Variants in TENM2 observed in about 807,000 individuals in gnomAD.
TENM2 encodes teneurin transmembrane protein 2.
TENM2 carries 52 observed loss-of-function variants against 245.2 expected under a neutral mutation model. The observed-to-expected ratio is 0.21, with a 90% CI of 0.17 to 0.27. The LOEUF (loss-of-function observed/expected upper bound fraction) is 0.27. TENM2 is among the 10% of genes least tolerant of loss of function. The pLI, the probability that TENM2 is intolerant of heterozygous loss-of-function variation, is 1.00. For missense variants in TENM2, 3,046 were observed against 3,666.8 expected (o/e 0.83, Z 4.37); for synonymous variants, 1,363 against 1,438.9 (o/e 0.95, Z 1.19).
intron 3 of TENM2, among the ~76,000 whole-genome samples, chr5:167,881,816 AG>A (rs1408510964): frequency 6.6e-6 from 1 of 152,182 alleles, no homozygotes; most frequent in African/African-American, 2.4e-5. Context: ...CCAAATGCAG[AG>A]CCACACAGGA....
At chr5:167,052,417 T>C in the TENM2 span, among the ~76,000 whole-genome samples, 1 of 152,176 alleles carries the variant, frequency 6.6e-6, no homozygotes, top group Non-Finnish European at 1.5e-5. Context: ...GTGTTATGGG[T>C]ACTCAATTAT....
intron 1 of TENM2, among the ~76,000 whole-genome samples, chr5:167,338,084 T>C (rs1757882719): frequency 6.6e-6 from 1 of 152,222 alleles, no homozygotes; most frequent in Non-Finnish European, 1.5e-5. Flanking sequence ...AATTAAAATG[T>C]CTATATTGTT....
chr5:167,808,657 C>A (rs1391011041), intron 2 of TENM2, among the ~76,000 whole-genome samples: 1 of 152,102 alleles, frequency 6.6e-6, no homozygotes, highest in Non-Finnish European at 1.5e-5. Flanking sequence ...AGATAGAAAC[C>A]CCTTGTCTTT....
chr5:167,518,835 G>T (rs887724308), intron 2 of TENM2, among the ~76,000 whole-genome samples: 9 of 152,168 alleles, frequency 5.9e-5, no homozygotes, highest in Admixed American at 4.6e-4. Flanking sequence ...GCTGGGGCCA[G>T]TGGCAGGATC....
intron 2 of TENM2, among the ~76,000 whole-genome samples, chr5:167,674,656 G>A (rs1429175373): frequency 6.6e-6 from 1 of 152,062 alleles, no homozygotes; most frequent in Non-Finnish European, 1.5e-5. Context: ...TCAAGTGGGG[G>A]CATTAATAGC....
At chr5:167,798,776 T>C (rs1191769782) in intron 2 of TENM2, among the ~76,000 whole-genome samples, 1 of 152,204 alleles carries the variant, frequency 6.6e-6, no homozygotes, top group Non-Finnish European at 1.5e-5. Context: ...GTGTTTATGC[T>C]AGATCTTAAT....
At position 167,776,621 on chromosome 5, in the gene TENM2, A is replaced by C. The variant is rs1763813361; in HGVS notation, c.503-99365A>C. 2.9e-5 allele frequency among the ~76,000 whole-genome samples: 2 copies of C among 69,936 alleles called. 1 individual carries two copies. Among genetic ancestry groups the C allele is most frequent in the Non-Finnish European group, 5.1e-5 (2 of 39,136 alleles). The allele number at this position is 69,936 out of a possible 152,430, so 45.9% of individuals were successfully genotyped here. On this transcript the variant is annotated intron_variant, in intron 2 of 28. Transcript: ENST00000518659. ...AAAAAAAAAAAAAAAAAAAAAAAAAAAAAAACCATATATATGTATCTATAT... is the reference window on the plus strand; with the variant it reads ...AAAAAAAAAAAAAAAAAAAAAAAAACAAAAACCATATATATGTATCTATAT...
chr5:167,099,564 G>A, the TENM2 span, among the ~76,000 whole-genome samples: 7 of 152,056 alleles, frequency 4.6e-5, no homozygotes, highest in East Asian at 1.9e-4. Flanking sequence ...GCATGGTGGC[G>A]CATGCCTGTA....
At chr5:167,317,589 C>G (rs753762123) in intron 1 of TENM2, among the ~76,000 whole-genome samples, 3 of 152,194 alleles carry the variant, frequency 2.0e-5, no homozygotes, top group Non-Finnish European at 2.9e-5. Flanking sequence ...ACTCCACTGT[C>G]AAGAGCAATC....
chr5:168,086,937 T>C (rs904882371), intron 7 of TENM2, among the ~76,000 whole-genome samples: 1 of 152,150 alleles, frequency 6.6e-6, no homozygotes, highest in South Asian at 2.1e-4. Context: ...TTAGGAACCC[T>C]AGAGAGCAGA....
the TENM2 span, among the ~76,000 whole-genome samples, chr5:167,200,252 T>C: frequency 2.6e-5 from 4 of 152,124 alleles, no homozygotes; most frequent in African/African-American, 9.7e-5. Context: ...TTCATATTTA[T>C]TGTTTACAGT....
chr5:167,265,154 C>T, the TENM2 span, among the ~76,000 whole-genome samples: 2 of 150,782 alleles, frequency 1.3e-5, no homozygotes, highest in South Asian at 2.1e-4. Flanking sequence ...GGTGAAACCC[C>T]GTCTCTACTA....
chr5:167,956,194 A>T (rs113749468), intron 4 of TENM2, among the ~76,000 whole-genome samples: 5,066 of 152,160 alleles, frequency 0.033, 204 homozygotes, highest in East Asian at 0.095. Flanking sequence ...CATCCCTTGT[A>T]AGTTGGATTC....
In TENM2 at chr5:167,981,448, C is replaced by A. The variant is rs2617980; in HGVS notation, c.948-11496C>A. 5.7e-3 allele frequency among the ~76,000 whole-genome samples: 864 copies of A among 152,202 alleles called. 9 individuals are homozygous for A. The highest frequency in any genetic ancestry group is 0.02 in the African/African-American group (812 of 41,516). Reference sequence around the variant, plus strand: ...CTAAACTTGAGATGCCTAACTATATCCAAATGTAGATAGGGTAATAGGTGT... The same window carrying A: ...CTAAACTTGAGATGCCTAACTATATACAAATGTAGATAGGGTAATAGGTGT... On this transcript the variant is annotated intron_variant, in intron 4 of 28. Coordinates refer to ENST00000518659, the Ensembl canonical transcript of TENM2.
chr5:167,429,605 C>G (rs922205899), intron 2 of TENM2, among the ~76,000 whole-genome samples: 3 of 132,254 alleles, frequency 2.3e-5, no homozygotes, highest in Non-Finnish European at 4.7e-5. Context: ...CTCTCTCTCT[C>G]TCTTTTTTTT....
chr5:167,679,458 T>A (rs1756554582), intron 2 of TENM2, among the ~76,000 whole-genome samples: 1 of 152,190 alleles, frequency 6.6e-6, no homozygotes, highest in Non-Finnish European at 1.5e-5. Context: ...TTTGAAAATA[T>A]GTACATTATT....
chr5:167,227,114 T>A, the TENM2 span, among the ~76,000 whole-genome samples: 4 of 152,026 alleles, frequency 2.6e-5, no homozygotes, highest in African/African-American at 9.7e-5. Flanking sequence ...GTTGGATAAT[T>A]TTTTTTATTC....
At chr5:168,093,412 T>C (rs1793105617) in intron 8 of TENM2, among the ~76,000 whole-genome samples, 1 of 152,178 alleles carries the variant, frequency 6.6e-6, no homozygotes, top group African/African-American at 2.4e-5. Context: ...TGGCCTGAAA[T>C]GCAGGGAAAA....
At chr5:167,584,679 C>A (rs1226877717) in intron 2 of TENM2, among the ~76,000 whole-genome samples, 1 of 149,106 alleles carries the variant, frequency 6.7e-6, no homozygotes, top group African/African-American at 2.4e-5. Context: ...CGCCTCACAC[C>A]TAAGCTTTCT....
Sources: allele counts gnomAD v4.1 joint callset (sites outside exome capture counted in the v4.1 genomes callset), GRCh38; gene constraint gnomAD v4.1.1; transcripts MANE v1.5; gene names NCBI Gene and HGNC (gene_info 2026-07-23, HGNC 2026-07-21).